Variants in COLEC11 observed in about 807,000 individuals in gnomAD.
The protein encoded by COLEC11 is collectin-11.
A neutral mutation model predicts 27.3 loss-of-function variants in COLEC11; 20 were observed. The observed-to-expected ratio is 0.73, with a 90% CI of 0.51 to 1.06. The LOEUF (loss-of-function observed/expected upper bound fraction) is 1.06, where lower values mean the gene tolerates loss of function less well. Ranked by LOEUF, COLEC11 falls within the 50% of genes least tolerant of loss-of-function variation. COLEC11 has a pLI of 0.00. For synonymous variants in COLEC11, 163 were observed against 154.7 expected (o/e 1.05, Z -0.40); for missense variants, 310 against 383.0 (o/e 0.81, Z 1.59).
chr2:3,610,849 C>T (rs73914512), intron 2 of COLEC11, among the ~76,000 whole-genome samples: 2,201 of 152,306 alleles, frequency 0.014, 61 homozygotes, highest in African/African-American at 0.047. Flanking sequence ...TTTATTCTTG[C>T]GTCCGGTGTT....
At chr2:3,605,254 C>A (rs12478522) in intron 2 of COLEC11, among the ~76,000 whole-genome samples, 60,064 of 138,158 alleles carry the variant, frequency 0.43, 16,587 homozygotes, top group East Asian at 0.81. Context: ...CTGCACCGGC[C>A]GCAGCAGAGT....
At chr2:3,616,555 G>A (rs2147894595) in intron 3 of COLEC11, among the ~76,000 whole-genome samples, 1 of 152,378 alleles carries the variant, frequency 6.6e-6, no homozygotes, top group South Asian at 2.1e-4. Context: ...TTAGGAGCTG[G>A]AGACCAGCCC....
intron 1 of COLEC11, among the ~76,000 whole-genome samples, chr2:3,598,562 G>A (rs1662015878): frequency 6.6e-6 from 1 of 152,238 alleles, no homozygotes; most frequent in Non-Finnish European, 1.5e-5. Flanking sequence ...CAGCGAACAA[G>A]GAAGGTGGGA....
intron 3 of COLEC11, among the ~76,000 whole-genome samples, chr2:3,619,199 T>C (rs527500822): frequency 2.6e-5 from 4 of 151,178 alleles, no homozygotes; most frequent in African/African-American, 9.7e-5. Flanking sequence ...TTTCTCTTCC[T>C]TTCTTTCTCT....
chr2:3,607,368 C>T (rs891695388), intron 2 of COLEC11, among the ~76,000 whole-genome samples: 1 of 150,074 alleles, frequency 6.7e-6, no homozygotes, highest in Non-Finnish European at 1.5e-5. Context: ...AAACATTTAT[C>T]TGTATTAACA....
At chr2:3,643,604 C>A (rs1666041820) in intron 6 of COLEC11, 65 bp downstream of exon 6, 1 of 1,595,264 alleles carries the variant, frequency 6.3e-7, no homozygotes, top group Non-Finnish European at 8.6e-7. Flanking sequence ...AGCCCCCCGG[C>A]AAGGGCTCTG....
intron 5 of COLEC11, chr2:3,641,341 C>G (rs2147967029): frequency 7.7e-7 from 1 of 1,302,712 alleles, no homozygotes; most frequent in Non-Finnish European, 1.0e-6. Flanking sequence ...GTGTCACTGA[C>G]TGGCCGAGCA....
At chr2:3,635,555 T>C (rs1237780913) in intron 3 of COLEC11, among the ~76,000 whole-genome samples, 1 of 152,182 alleles carries the variant, frequency 6.6e-6, no homozygotes, top group African/African-American at 2.4e-5. Flanking sequence ...CCGTTGCCCC[T>C]TTTCTATTCC....
chr2:3,597,237 T>C (rs769603354), intron 1 of COLEC11, among the ~76,000 whole-genome samples: 1 of 145,278 alleles, frequency 6.9e-6, no homozygotes, highest in East Asian at 2.0e-4. Context: ...ATGAATGGAG[T>C]GAAGGCACGA....
At chr2:3,631,709 CGG>C (rs1558512023) in intron 3 of COLEC11, among the ~76,000 whole-genome samples, 8 of 151,362 alleles carry the variant, frequency 5.3e-5, no homozygotes, top group African/African-American at 1.7e-4. Context: ...GGGCTCTGCT[CGG>C]AGGGGGCCCC....
At chr2:3,630,210 G>T (rs1217288875) in intron 3 of COLEC11, among the ~76,000 whole-genome samples, 2 of 152,096 alleles carry the variant, frequency 1.3e-5, no homozygotes. Context: ...ATGTATGTGT[G>T]CATATGTATG....
At chr2:3,604,116 A>C (rs1476016669) in intron 1 of COLEC11, 199 bp from the exon 2 acceptor site, 1 of 635,392 alleles carries the variant, frequency 1.6e-6, no homozygotes, top group Non-Finnish European at 2.8e-6. Context: ...CCTGGTGCTG[A>C]CCCTGGGGCT....
intron 2 of COLEC11, chr2:3,606,255 G>T: frequency 1.3e-6 from 2 of 1,547,716 alleles, no homozygotes; most frequent in East Asian, 2.4e-5. Flanking sequence ...TCAGTAGCCT[G>T]CACTGGTGGG....
chr2:3,621,377 A>G (rs1572432472), intron 3 of COLEC11, among the ~76,000 whole-genome samples: 1 of 152,310 alleles, frequency 6.6e-6, no homozygotes, highest in South Asian at 2.1e-4. Flanking sequence ...TTTGTGTGGA[A>G]TATCTTTTTC....
At chr2:3,607,859 T>C (rs773795157) in intron 2 of COLEC11, among the ~76,000 whole-genome samples, 2 of 152,252 alleles carry the variant, frequency 1.3e-5, no homozygotes, top group African/African-American at 2.4e-5. Flanking sequence ...TTCTGACACC[T>C]GACGGCCTGT....
At chr2:3,608,121 C>G (rs1238060540) in intron 2 of COLEC11, among the ~76,000 whole-genome samples, 1 of 152,240 alleles carries the variant, frequency 6.6e-6, no homozygotes, top group Non-Finnish European at 1.5e-5. Context: ...TGACATGCGC[C>G]TTCCTAGCTG....
chr2:3,614,498 G>C (rs116433702), intron 3 of COLEC11, among the ~76,000 whole-genome samples: 2 of 151,854 alleles, frequency 1.3e-5, no homozygotes, highest in Non-Finnish European at 2.9e-5. Context: ...CATTGCCCTC[G>C]CCCGTACCCC....
chr2:3,639,557 T>G (rs1016442321), intron 4 of COLEC11, among the ~76,000 whole-genome samples: 3 of 152,192 alleles, frequency 2.0e-5, no homozygotes, highest in African/African-American at 7.2e-5. Context: ...TCAGAGGCAT[T>G]TGGGGCCTCT....
intron 3 of COLEC11, among the ~76,000 whole-genome samples, chr2:3,629,524 G>A (rs1439898540): frequency 1.3e-5 from 2 of 152,232 alleles, no homozygotes; most frequent in Non-Finnish European, 1.5e-5. Context: ...GTATGTGCAT[G>A]TATAGTTGTA....
Sources: allele counts gnomAD v4.1 joint callset (sites outside exome capture counted in the v4.1 genomes callset), GRCh38; gene constraint gnomAD v4.1.1; transcripts MANE v1.5; gene names NCBI Gene and HGNC (gene_info 2026-07-23, HGNC 2026-07-21).